Variants in GRIP1 observed in about 807,000 individuals in gnomAD.
GRIP1 encodes the protein glutamate receptor interacting protein 1, also known as glutamate receptor-interacting protein 1.
A neutral mutation model predicts 129.9 loss-of-function variants in GRIP1; 45 were observed. That is an observed-to-expected ratio of 0.35 (90% confidence interval 0.27 to 0.44). GRIP1 has a LOEUF of 0.44. GRIP1 is among the 20% of genes least tolerant of loss of function. The pLI is 1.00. For missense variants in GRIP1, 1,196 were observed against 1,396.8 expected (o/e 0.86, Z 2.29); for synonymous variants, 530 against 520.8 (o/e 1.02, Z -0.24).
chr12:66,673,104 G>A (rs111860182), intron 1 of GRIP1, among the ~76,000 whole-genome samples: 4,873 of 151,990 alleles, frequency 0.032, 107 homozygotes, highest in South Asian at 0.036. Flanking sequence ...TCCGTTTCTA[G>A]AAGAGAAAAA....
chr12:66,883,664 C>T (rs759378907), intron 1 of GRIP1, among the ~76,000 whole-genome samples: 2 of 152,162 alleles, frequency 1.3e-5, no homozygotes, highest in African/African-American at 4.8e-5. Flanking sequence ...GGTGAACATA[C>T]GTCCTGGTTT....
At chr12:66,717,960 A>G (rs1417070359) in intron 1 of GRIP1, among the ~76,000 whole-genome samples, 4 of 152,122 alleles carry the variant, frequency 2.6e-5, no homozygotes, top group African/African-American at 7.2e-5. Context: ...GTGTGCCAGG[A>G]AAGATGTGTT....
At chr12:66,353,673 A>T (rs2054342477) in intron 23 of GRIP1, 110 bp from the exon 24 acceptor site, 1 of 959,688 alleles carries the variant, frequency 1.0e-6, no homozygotes, top group Non-Finnish European at 1.7e-6. Context: ...CATGATTTGT[A>T]ATATCAGCAT....
At chr12:66,841,951 T>C (rs1306193824) in intron 1 of GRIP1, among the ~76,000 whole-genome samples, 3 of 152,188 alleles carry the variant, frequency 2.0e-5, no homozygotes, top group Non-Finnish European at 4.4e-5. Flanking sequence ...AAGTTTTCTA[T>C]AAGCTTCATA....
intron 1 of GRIP1, among the ~76,000 whole-genome samples, chr12:66,664,780 G>C (rs2033702967): frequency 6.6e-6 from 1 of 151,948 alleles, no homozygotes; most frequent in African/African-American, 2.4e-5. Context: ...TGAAATAAAT[G>C]GTAGCTATTG....
At chr12:66,928,309 C>T (rs1318639699) in intron 1 of GRIP1, among the ~76,000 whole-genome samples, 2 of 152,128 alleles carry the variant, frequency 1.3e-5, no homozygotes, top group Admixed American at 6.5e-5. Flanking sequence ...AAGACCCAGT[C>T]GGAGAGTAAA....
chr12:66,467,034 A>T (rs1265535652), intron 7 of GRIP1, among the ~76,000 whole-genome samples: 1 of 152,170 alleles, frequency 6.6e-6, no homozygotes, highest in East Asian at 1.9e-4. Context: ...GGCCAACAAC[A>T]TGCATATCCA....
intron 16 of GRIP1, among the ~76,000 whole-genome samples, chr12:66,399,932 T>G (rs1321355544): frequency 6.6e-6 from 1 of 151,974 alleles, no homozygotes; most frequent in Admixed American, 6.5e-5. Flanking sequence ...GCTCCCTTAC[T>G]GCTGCACGGT....
chr12:67,048,098 A>G (rs1211429243), intron 1 of GRIP1, among the ~76,000 whole-genome samples: 1 of 151,892 alleles, frequency 6.6e-6, no homozygotes, highest in Non-Finnish European at 1.5e-5. Flanking sequence ...CCTTGGGCCC[A>G]CAGAACACAC....
chr12:66,351,471 T>C (rs1185719592), intron 24 of GRIP1, among the ~76,000 whole-genome samples: 2 of 151,774 alleles, frequency 1.3e-5, no homozygotes, highest in South Asian at 2.1e-4. Flanking sequence ...TACCACATAA[T>C]GGGAAATGAG....
At chr12:66,524,051 G>A (rs1266331738) in intron 5 of GRIP1, among the ~76,000 whole-genome samples, 1 of 152,120 alleles carries the variant, frequency 6.6e-6, no homozygotes, top group Non-Finnish European at 1.5e-5. Flanking sequence ...GACCTACAAA[G>A]AGACTTAGAC....
intron 1 of GRIP1, among the ~76,000 whole-genome samples, chr12:66,811,696 G>A (rs2039108021): frequency 6.6e-6 from 1 of 151,522 alleles, no homozygotes; most frequent in Non-Finnish European, 1.5e-5. Flanking sequence ...CAAGCTACTT[G>A]GAGATAAGAA....
chr12:66,668,640 C>G (rs548557773), intron 1 of GRIP1, among the ~76,000 whole-genome samples: 1 of 152,014 alleles, frequency 6.6e-6, no homozygotes, highest in Non-Finnish European at 1.5e-5. Flanking sequence ...CAGAAAAGGC[C>G]GAGTGCAGGA....
chr12:66,713,142 G>A (rs2035764193), intron 1 of GRIP1, among the ~76,000 whole-genome samples: 1 of 151,922 alleles, frequency 6.6e-6, no homozygotes, highest in Non-Finnish European at 1.5e-5. Flanking sequence ...CATCAAAAAT[G>A]TCATTTATTA....
chr12:66,711,576 A>G (rs1206485827), intron 1 of GRIP1, among the ~76,000 whole-genome samples: 4 of 151,870 alleles, frequency 2.6e-5, no homozygotes, highest in Admixed American at 6.6e-5. Flanking sequence ...GGTATAACAT[A>G]TATTTATACT....
At chr12:66,901,505 G>C (rs1171605043) in intron 1 of GRIP1, among the ~76,000 whole-genome samples, 1 of 152,146 alleles carries the variant, frequency 6.6e-6, no homozygotes, top group East Asian at 1.9e-4. Context: ...TTGACAAGAG[G>C]CTTTCTTGTT....
At chr12:66,855,975 A>G (rs1414964668) in intron 1 of GRIP1, among the ~76,000 whole-genome samples, 6 of 150,380 alleles carry the variant, frequency 4.0e-5, no homozygotes, top group Admixed American at 6.7e-5. Context: ...TTTTCTAAAT[A>G]ATAAAAATTA....
chr12:66,892,060 G>A (rs1360184155), intron 1 of GRIP1: 1 of 152,758 alleles, frequency 6.5e-6, no homozygotes, highest in Non-Finnish European at 1.5e-5. Flanking sequence ...TGGCATCTCA[G>A]GGGAAGTAGC....
At chr12:66,621,693 C>T (rs1014218006) in intron 1 of GRIP1, among the ~76,000 whole-genome samples, 5 of 152,128 alleles carry the variant, frequency 3.3e-5, no homozygotes, top group African/African-American at 1.2e-4. Context: ...ACAGCAGCTA[C>T]ACTATTTTAT....
Sources: allele counts gnomAD v4.1 joint callset (sites outside exome capture counted in the v4.1 genomes callset), GRCh38; gene constraint gnomAD v4.1.1; transcripts MANE v1.5; gene names NCBI Gene and HGNC (gene_info 2026-07-23, HGNC 2026-07-21).